The following PPIL2 variants were observed in gnomAD, a reference collection of about 807,000 sequenced individuals.
PPIL2 encodes peptidylprolyl isomerase like 2.
A neutral mutation model predicts 75.2 loss-of-function variants in PPIL2; 50 were observed. The ratio of observed to expected loss-of-function variants is 0.66; its 90% CI spans 0.53 to 0.84. The LOEUF is 0.84. PPIL2 is among the 40% of genes least tolerant of loss of function. The pLI is 0.00. For synonymous variants in PPIL2, 245 were observed against 258.8 expected, an observed-to-expected ratio of 0.95 and a Z score of 0.51; for missense variants, 590 against 685.0, an observed-to-expected ratio of 0.86 and a Z score of 1.55.
chr22:21,691,599 G>A (rs1328295989), intron 15 of PPIL2, among the ~76,000 whole-genome samples: 6 of 151,648 alleles, frequency 4.0e-5, no homozygotes, highest in Non-Finnish European at 7.4e-5. Context: ...AGAATGGCGT[G>A]AACCCAGGAG....
At position 21,696,161 on chromosome 22, in the gene PPIL2, C is replaced by A. The variant is rs549692617; in HGVS notation, c.*671C>A. Reference sequence around the variant, plus strand: ...TTCTCGGTCTGTTTTGACAAAACTTCAGGGGCTTCTGAAGGCTGGTGTTGG... The same window carrying A: ...TTCTCGGTCTGTTTTGACAAAACTTAAGGGGCTTCTGAAGGCTGGTGTTGG... On this transcript the variant is annotated 3_prime_UTR_variant, in exon 20 of 20. Coordinates refer to ENST00000398831, the MANE Select transcript of PPIL2 (RefSeq NM_014337.4). The A allele has an allele frequency of 1.6e-4, 164 of 998,914 alleles. 1 individual carries two copies. In the African/African-American group the frequency reaches 2.5e-3, roughly 15 times the overall value. The allele number at this position is 998,914 out of a possible 1,614,324, so 61.9% of individuals were successfully genotyped here.
At position 21,693,087 on chromosome 22, in the gene PPIL2, G is replaced by C. The variant is rs181762760; in HGVS notation, c.1140-729G>C. ...CTTTTTTCTTGAGACAGACTCTGTC[G>C]CCCAGGCTGGAGTGCAGTGGTGTGA... On this transcript the variant is annotated intron_variant, in intron 15 of 19. Coordinates refer to ENST00000398831, the MANE Select transcript of PPIL2 (RefSeq NM_014337.4). Among the ~76,000 whole-genome samples, 370 of 151,542 alleles carry C rather than the reference G, an allele frequency of 2.4e-3. 2 individuals carry two copies. The highest frequency in any genetic ancestry group is 8.5e-3 in the African/African-American group (352 of 41,294).
intron 1 of PPIL2, among the ~76,000 whole-genome samples, 155 bp downstream of exon 1, chr22:21,666,286 G>C (rs2066372778): frequency 6.6e-6 from 1 of 152,108 alleles, no homozygotes; most frequent in African/African-American, 2.4e-5. Context: ...CTCCAGTCAG[G>C]GTAATGACCC....
intron 10 of PPIL2, 22 bp downstream of exon 10, chr22:21,684,935 GCCAAGC>G (rs2067295170): frequency 6.2e-7 from 1 of 1,611,312 alleles, no homozygotes. Flanking sequence ...AGGGCACTCG[GCCAAGC>G]CCAAGCCCCG....
In PPIL2 at chr22:21,670,026, A is replaced by T. The variant is rs1243541986; in HGVS notation, c.82+64A>T. 2.7e-6 allele frequency: 4 copies of T among 1,487,052 alleles called. No individual in the cohort carries two copies. The East Asian group carries it at 9.0e-5, about 34-fold the overall frequency. The allele number at this position is 1,487,052 out of a possible 1,614,324, so 92.1% of individuals were successfully genotyped here. On this transcript the variant is annotated intron_variant, in intron 2 of 19. Transcript: ENST00000398831. ...GGTATTAAGGAACTGTGTCTTCAGGATACAGTGAGCTGTAAAAATAGACAA... is the reference window on the plus strand; with the variant it reads ...GGTATTAAGGAACTGTGTCTTCAGGTTACAGTGAGCTGTAAAAATAGACAA...
intron 1 of PPIL2, 118 bp downstream of exon 1, chr22:21,666,249 A>G (rs2066370711): frequency 1.6e-6 from 2 of 1,220,420 alleles, no homozygotes; most frequent in Non-Finnish European, 2.2e-6. Context: ...CCCAAAGGTC[A>G]CTTCCTCCCG....
chr22:21,676,310 TG>T (rs1320019140), intron 6 of PPIL2, among the ~76,000 whole-genome samples: 3 of 11,310 alleles, frequency 2.7e-4, no homozygotes, highest in African/African-American at 1.5e-3. Flanking sequence ...TTATTTATTT[TG>T]TGTGTGTGTG....
chr22:21,687,164 G>A (rs570456871), intron 12 of PPIL2, among the ~76,000 whole-genome samples, 166 bp downstream of exon 12: 3 of 152,312 alleles, frequency 2.0e-5, no homozygotes, highest in African/African-American at 7.2e-5. Flanking sequence ...CTAGGGGGCC[G>A]CGTTGGCAGC....
At chr22:21,687,037 C>T in intron 12 of PPIL2, 39 bp downstream of exon 12, 2 of 1,546,026 alleles carry the variant, frequency 1.3e-6, no homozygotes, top group East Asian at 2.2e-5. Context: ...GCCCCAAGGT[C>T]ATCTCTGGGT....
intron 12 of PPIL2, 134 bp downstream of exon 12, chr22:21,687,132 G>A (rs2067400496): frequency 7.2e-6 from 6 of 829,044 alleles, no homozygotes; most frequent in Non-Finnish European, 1.2e-5. Context: ...GGCGGGACCC[G>A]CAGCAGTGCC....
chr22:21,688,056 G>A lies in PPIL2; in HGVS notation c.988-17G>A, dbSNP rs370975128. The A allele has an allele frequency of 9.9e-6, 16 of 1,614,226 alleles. No individual in the cohort carries two copies. The highest frequency in any genetic ancestry group is 1.4e-5 in the Non-Finnish European group (16 of 1,180,042). On this transcript the variant is annotated splice_polypyrimidine_tract_variant and intron_variant, in intron 13 of 19. Coordinates refer to ENST00000398831, the MANE Select transcript of PPIL2 (RefSeq NM_014337.4). ...GGTCTCAGAGTGTGACTTGCTCACT[G>A]GCTTTTGTTTTCACAGATCCAAGGG...
At position 21,693,881 on chromosome 22, in the gene PPIL2, A is replaced by G; in HGVS notation, c.1196+9A>G. On this transcript the variant is annotated intron_variant, in intron 16 of 19. Coordinates refer to ENST00000398831, the MANE Select transcript of PPIL2 (RefSeq NM_014337.4). ...CATACCATCTTTGGACGGTAAGGGA[A>G]GCGGCTGTGTGAAGCCTGGGGGGTC... The G allele has an allele frequency of 6.5e-7, 1 of 1,534,506 alleles. No individual in the cohort carries two copies. The highest frequency in any genetic ancestry group is 1.1e-5 in the South Asian group (1 of 89,436).
chr22:21,669,688 C>T (rs1014597952), intron 1 of PPIL2, among the ~76,000 whole-genome samples: 5 of 152,066 alleles, frequency 3.3e-5, no homozygotes, highest in African/African-American at 9.7e-5. Context: ...TTAGTAGAGA[C>T]GTGGTTTCAC....
rs748939098 is a variant in PPIL2 at position 21,672,322 on chromosome 22, C to T, written c.192-8C>T. On this transcript the variant is annotated splice_region_variant and splice_polypyrimidine_tract_variant and intron_variant, in intron 4 of 19. Coordinates refer to ENST00000398831, the MANE Select transcript of PPIL2 (RefSeq NM_014337.4). ...CTGGTGATGCTTTCTGTTCTGTCTTCCCTTCAGGAACATTGTTCCATGGCT... is the reference window on the plus strand; with the variant it reads ...CTGGTGATGCTTTCTGTTCTGTCTTTCCTTCAGGAACATTGTTCCATGGCT... 1.2e-6 allele frequency: 2 copies of T among 1,609,710 alleles called. No homozygotes were observed.
Position 21,691,241 on chromosome 22 carries a change from G to T in PPIL2, c.1139+2392G>T, listed in dbSNP as rs62235102. 9.1e-3 allele frequency among the ~76,000 whole-genome samples: 1,382 copies of T among 152,026 alleles called. 13 individuals carry two copies. Among genetic ancestry groups the T allele is most frequent in the Non-Finnish European group, 0.015 (1,029 of 67,984 alleles). On this transcript the variant is annotated intron_variant, in intron 15 of 19. Coordinates refer to ENST00000398831, the MANE Select transcript of PPIL2 (RefSeq NM_014337.4). ...TTACAGGCATGAGCCACCACACTCG[G>T]CCTTCTTTTCTTATTTCTAGTAGTA... is the stretch of plus-strand genomic sequence containing the variant.
At chr22:21,683,737 T>C (rs1254078905) in intron 9 of PPIL2, among the ~76,000 whole-genome samples, 2 of 152,202 alleles carry the variant, frequency 1.3e-5, no homozygotes, top group Non-Finnish European at 2.9e-5. Context: ...GGGTTGGGGC[T>C]GGGCCGTGTC....
intron 12 of PPIL2, 53 bp downstream of exon 12, chr22:21,687,051 C>A: frequency 6.7e-7 from 1 of 1,495,966 alleles, no homozygotes; most frequent in Admixed American, 1.7e-5. Flanking sequence ...TCTGGGTCAT[C>A]TGACAGCCAT....
At chr22:21,679,441 T>C (rs1201173535) in intron 6 of PPIL2, among the ~76,000 whole-genome samples, 1 of 146,322 alleles carries the variant, frequency 6.8e-6, no homozygotes, top group African/African-American at 2.5e-5. Flanking sequence ...CTCTACAAAA[T>C]GAAACCTAAA....
chr22:21,690,373 C>A (rs530886628), intron 15 of PPIL2, among the ~76,000 whole-genome samples: 32 of 149,240 alleles, frequency 2.1e-4, no homozygotes, highest in Non-Finnish European at 4.0e-4. Context: ...AGCAGTGAGA[C>A]CCTGTCTGGA....
Sources: gnomAD v4.1 joint callset for allele counts (sites outside exome capture counted in the v4.1 genomes callset) on GRCh38, gnomAD v4.1.1 for gene constraint, MANE v1.5 for transcripts, NCBI Gene and HGNC (gene_info 2026-07-23, HGNC 2026-07-21) for gene names.